PTPRD: variants seen among roughly 807,000 people sequenced by gnomAD.
PTPRD encodes protein tyrosine phosphatase receptor type D.
A neutral mutation model predicts 214.5 loss-of-function variants in PTPRD; 34 were observed. The ratio of observed to expected loss-of-function variants is 0.16; its 90% confidence interval spans 0.12 to 0.21. The LOEUF is 0.21. PTPRD is among the 10% of genes least tolerant of loss of function. The pLI is 1.00. For synonymous variants in PTPRD, 1,128 were observed against 845.7 expected (o/e 1.33, Z -5.79); for missense variants, 2,545 against 2,398.7 (o/e 1.06, Z -1.27).
At chr9:9,275,138 T>TATATATAATATATATA (rs1409137512) in intron 9 of PTPRD, among the ~76,000 whole-genome samples, 1 of 53,902 alleles carries the variant, frequency 1.9e-5, no homozygotes, top group African/African-American at 8.0e-5. Flanking sequence ...TTATATATAA[T>TATATATAATATATATA]ATATATATAA....
At chr9:8,583,620 A>G (rs1594530011) in intron 14 of PTPRD, among the ~76,000 whole-genome samples, 1 of 152,390 alleles carries the variant, frequency 6.6e-6, no homozygotes, top group African/African-American at 2.4e-5. Flanking sequence ...GCCATAAACT[A>G]TTTAACATAT....
At chr9:9,603,431 G>T (rs776983596) in intron 7 of PTPRD, among the ~76,000 whole-genome samples, 3 of 152,116 alleles carry the variant, frequency 2.0e-5, no homozygotes, top group Non-Finnish European at 4.4e-5. Context: ...GGTTATATAA[G>T]CCATATTAGG....
At chr9:8,907,533 A>AAAAAAAAAAT (rs3046919) in intron 11 of PTPRD, among the ~76,000 whole-genome samples, 1 of 118,246 alleles carries the variant, frequency 8.5e-6, no homozygotes, top group African/African-American at 3.3e-5. Context: ...AAAAAAAAAA[A>AAAAAAAAAAT]ATATATATAT....
rs183035040 is a variant in PTPRD at position 9,057,619 on chromosome 9, G to A, written c.-142-38884C>T. On this transcript the variant is annotated intron_variant, in intron 10 of 45. Transcript: ENST00000381196. ...TGATGGGTAGATCTGACATGTTACC[G>A]TAATAATTTCTCGTAAAGTACATCC... Among the ~76,000 whole-genome samples, 8 of 152,182 alleles carry A rather than the reference G, an allele frequency of 5.3e-5. No homozygotes were observed. The East Asian group carries it at 5.8e-4, about 11-fold the overall frequency.
chr9:8,341,052 TC>T (rs1851977411), intron 41 of PTPRD, 37 bp downstream of exon 41: 1 of 1,528,916 alleles, frequency 6.5e-7, no homozygotes, highest in East Asian at 2.3e-5. Flanking sequence ...CATGTAAATA[TC>T]AAGGCTTTGG....
At chr9:8,645,015 G>A (rs1404874553) in intron 12 of PTPRD, among the ~76,000 whole-genome samples, 1 of 152,210 alleles carries the variant, frequency 6.6e-6, no homozygotes, top group East Asian at 1.9e-4. Context: ...TATTTTCACT[G>A]TGCCAAATTA....
At chr9:9,399,398 C>A (rs1049654540) in intron 8 of PTPRD, among the ~76,000 whole-genome samples, 1 of 151,970 alleles carries the variant, frequency 6.6e-6, no homozygotes, top group Non-Finnish European at 1.5e-5. Flanking sequence ...ACCTAACACA[C>A]AATTACAATT....
At chr9:9,681,535 G>C (rs528053087) in intron 7 of PTPRD, among the ~76,000 whole-genome samples, 30 of 151,706 alleles carry the variant, frequency 2.0e-4, no homozygotes, top group Admixed American at 1.9e-3. Flanking sequence ...TCTAAACCCA[G>C]TATGACCCCA....
At chr9:8,507,902 C>A (rs1403355411) in intron 21 of PTPRD, among the ~76,000 whole-genome samples, 1 of 152,104 alleles carries the variant, frequency 6.6e-6, no homozygotes, top group Non-Finnish European at 1.5e-5. Context: ...GAAATCCTAC[C>A]TTTACGCCAA....
At chr9:8,416,548 A>G (rs1186601727) in intron 35 of PTPRD, among the ~76,000 whole-genome samples, 2 of 152,188 alleles carry the variant, frequency 1.3e-5, no homozygotes, top group Non-Finnish European at 2.9e-5. Flanking sequence ...AGCAGACTGT[A>G]GGACTCAACA....
chr9:8,903,605 C>G (rs1389463380), intron 11 of PTPRD, among the ~76,000 whole-genome samples: 1 of 152,086 alleles, frequency 6.6e-6, no homozygotes, highest in African/African-American at 2.4e-5. Flanking sequence ...GAAGTATCCC[C>G]AAACTATTTT....
rs112923377 is a variant in PTPRD at position 8,702,141 on chromosome 9, A to G, written c.64+31639T>C. Among the ~76,000 whole-genome samples the G allele has an allele frequency of 8.9e-3, 1,352 of 151,516 alleles. 23 individuals carry two copies. Among genetic ancestry groups the G allele is most frequent in the African/African-American group, 0.031 (1,296 of 41,318 alleles). ...TTCTCATCTACTTTCATAGCTTTTA[A>G]TTTCCCTGTCAGACGGTTGCTTGGA... On this transcript the variant is annotated intron_variant, in intron 12 of 45. Transcript: ENST00000381196.
intron 29 of PTPRD, 133 bp from the exon 30 acceptor site, chr9:8,484,511 T>C (rs1464398992): frequency 4.6e-6 from 4 of 862,672 alleles, no homozygotes; most frequent in Non-Finnish European, 5.1e-6. Flanking sequence ...TCTAAGTCCA[T>C]GAGTAGTCAT....
At chr9:10,224,508 A>T (rs962534385) in intron 3 of PTPRD, among the ~76,000 whole-genome samples, 1 of 152,038 alleles carries the variant, frequency 6.6e-6, no homozygotes, top group African/African-American at 2.4e-5. Context: ...TATTTAAATT[A>T]TCGTATGATT....
chr9:9,356,471 C>A (rs1193732037), intron 9 of PTPRD, among the ~76,000 whole-genome samples: 1 of 151,314 alleles, frequency 6.6e-6, no homozygotes, highest in Non-Finnish European at 1.5e-5. Context: ...CATTTAAAAT[C>A]ATCAGAGCAT....
intron 5 of PTPRD, among the ~76,000 whole-genome samples, chr9:9,788,556 AAAAAAAAAAGAAAG>A (rs1165610402): frequency 6.6e-6 from 1 of 151,168 alleles, no homozygotes; most frequent in East Asian, 1.9e-4. Flanking sequence ...CGTCTCAAAA[AAAAAAAAAAGAAAG>A]AAAAAAAAAA....
intron 12 of PTPRD, among the ~76,000 whole-genome samples, chr9:8,723,363 T>G: frequency 6.6e-6 from 1 of 152,160 alleles, no homozygotes; most frequent in East Asian, 1.9e-4. Flanking sequence ...CTTCATATCC[T>G]CTCTTACTCT....
intron 7 of PTPRD, among the ~76,000 whole-genome samples, chr9:9,687,624 A>G (rs1000111928): frequency 6.6e-6 from 1 of 151,692 alleles, no homozygotes; most frequent in Non-Finnish European, 1.5e-5. Flanking sequence ...TTAAAGTATA[A>G]TAATAAAAAA....
At chr9:10,009,434 G>T (rs921887992) in intron 4 of PTPRD, among the ~76,000 whole-genome samples, 1 of 151,942 alleles carries the variant, frequency 6.6e-6, no homozygotes, top group Admixed American at 6.6e-5. Flanking sequence ...GGGGTTTCCA[G>T]GTCATAGGTG....
Sources: allele counts gnomAD v4.1 joint callset (sites outside exome capture counted in the v4.1 genomes callset), GRCh38; gene constraint gnomAD v4.1.1; transcripts MANE v1.5; gene names NCBI Gene and HGNC (gene_info 2026-07-23, HGNC 2026-07-21).